OTP: variants seen among roughly 807,000 people sequenced by gnomAD.
The protein encoded by OTP is orthopedia homeobox, also known as homeobox protein orthopedia.
A neutral mutation model predicts 22.3 loss-of-function variants in OTP; 5 were observed. That is an observed-to-expected ratio of 0.22 (90% CI 0.12 to 0.47). The LOEUF (loss-of-function observed/expected upper bound fraction) is 0.47, where lower values mean the gene tolerates loss of function less well. Among genes scored for constraint, OTP ranks in the 20% least tolerant of loss-of-function variants. The pLI, the probability that OTP is intolerant of heterozygous loss-of-function variation, is 0.99. For synonymous variants in OTP, 229 were observed against 210.6 expected (o/e 1.09, Z -0.76); for missense variants, 428 against 456.2 (o/e 0.94, Z 0.56).
rs1285048487 is a variant in OTP at position 77,628,825 on chromosome 5, G to A, written c.*1439C>T. 1 of 152,562 alleles carries A rather than the reference G, an allele frequency of 6.6e-6. No homozygotes were observed. Among genetic ancestry groups the A allele is most frequent in the Non-Finnish European group, 1.5e-5 (1 of 68,030 alleles). 9.5% of individuals were successfully genotyped at this position (152,562 alleles called of 1,614,324 possible). The stretch of plus-strand genomic sequence containing the variant: ...AGCTCAAACATTTATTAAGAAAACC[G>A]AATTCCATAAATAAACACAGACATT... On this transcript the variant is annotated 3_prime_UTR_variant, in exon 3 of 3. Transcript: ENST00000306422.
chr5:77,637,176 A>G lies in OTP; in HGVS notation c.92T>C (p.Leu31Pro). The change falls in exon 2 of 3, where the codon CTG becomes CCG. Residue 31 changes from leucine to proline, a missense_variant. This residue lies in a region of OTP where 176 missense variants were observed against 162.9 expected (regional missense o/e 1.08). Coordinates refer to ENST00000306422, the MANE Select transcript of OTP (RefSeq NM_032109.3). ...LGHREAVKCRLGVGGSDPGGH... is the reference protein window; with the variant it reads ...LGHREAVKCRPGVGGSDPGGH... ...CCCGGGGTCGGAGCCCCCCACGCCC[A>G]GCCTACACTTCACCGCCTCCCGGTG... is the stretch of plus-strand genomic sequence containing the variant. 1 of 1,566,844 alleles carries G rather than the reference A, an allele frequency of 6.4e-7. No individual in the cohort carries two copies. Among genetic ancestry groups the G allele is most frequent in the Non-Finnish European group, 8.6e-7 (1 of 1,156,808 alleles).
Position 77,630,578 on chromosome 5 carries a change from G to C in OTP, c.664C>G (p.Leu222Val), listed in dbSNP as rs1216348259. ...TGCTGCCTGCCCAGCGCCGGCGGCA[G>C]AGGCAGCTGTGACACGCCAGGCATG... ...AAMPGVSQLP[L>V]PPALGRQQAM... The change falls in exon 3 of 3, where the codon CTG (leucine) becomes GTG (valine). Residue 222 changes from leucine to valine, a missense_variant. By Grantham distance (32) the Leu-to-Val change is conservative (BLOSUM62 1). This residue lies in a region of OTP where 236 missense variants were observed against 238.1 expected (regional missense o/e 0.99). Transcript: ENST00000306422. The C allele has an allele frequency of 6.4e-7, 1 of 1,563,264 alleles. No homozygotes were observed. The highest frequency in any genetic ancestry group is 8.6e-7 in the Non-Finnish European group (1 of 1,159,600).
chr5:77,630,341 C>G lies in OTP; in HGVS notation c.901G>C (p.Asp301His). The change falls in exon 3 of 3, where the codon GAC becomes CAC. Residue 301 changes from aspartate to histidine, a missense_variant. Transcript: ENST00000306422. ...GCGATGCTGGTGCCCCGCCACACGT[C>G]GCTGCTGTCCGGGGAGCTGCAGAGC... Reference protein sequence around the residue: ...PQLCSSPDSSDVWRGTSIASL... With the variant: ...PQLCSSPDSSHVWRGTSIASL... 3 of 1,570,240 alleles carry G rather than the reference C, an allele frequency of 1.9e-6. No individual in the cohort carries two copies. The highest frequency in any genetic ancestry group is 2.6e-6 in the Non-Finnish European group (3 of 1,161,588).
chr5:77,632,278 CAAT>C (rs774809163), intron 2 of OTP, among the ~76,000 whole-genome samples: 4 of 151,998 alleles, frequency 2.6e-5, no homozygotes, highest in East Asian at 3.9e-4. Context: ...TTTTAAATGA[CAAT>C]AATAATAATA....
Position 77,630,701 on chromosome 5 carries a change from G to A in OTP, c.541C>T (p.Leu181=). The A allele has an allele frequency of 6.3e-7, 1 of 1,583,946 alleles. No homozygotes were observed. The highest frequency in any genetic ancestry group is 1.1e-5 in the South Asian group (1 of 89,168). The change falls in exon 3 of 3, where the codon CTG becomes TTG. Residue 181 remains leucine, a synonymous_variant. Transcript: ENST00000306422. ...GCGGCAGCCGACGGGAACTGAGGCA[G>A]GCCTGGCGTGGGCAGCAGTGTGCCG... ...APGTLLPTPG[L]PQFPSAAAAA...
chr5:77,638,496 G>T lies in OTP; in HGVS notation c.37+17C>A. 6.4e-7 allele frequency: 1 copy of T among 1,570,566 alleles called. No individual in the cohort carries two copies. Among genetic ancestry groups the T allele is most frequent in the Non-Finnish European group, 8.6e-7 (1 of 1,157,298 alleles). On this transcript the variant is annotated intron_variant, in intron 1 of 2. Transcript: ENST00000306422. ...CCCGGCTTCTCCTGGCTGCCCGGGC[G>T]AGAGGCGCGCACTCACCTAGCCTGG...
At chr5:77,633,132 G>A (rs1378960746) in intron 2 of OTP, among the ~76,000 whole-genome samples, 2 of 152,178 alleles carry the variant, frequency 1.3e-5, no homozygotes, top group East Asian at 3.8e-4. Flanking sequence ...GGGAGTGTGA[G>A]GGAAGGAGCA....
Position 77,630,662 on chromosome 5 carries a change from C to T in OTP, c.580G>A (p.Ala194Thr). The T allele has an allele frequency of 1.3e-6, 2 of 1,574,660 alleles. No individual in the cohort carries two copies. The highest frequency in any genetic ancestry group is 8.6e-7 in the Non-Finnish European group (1 of 1,168,354). The stretch of plus-strand genomic sequence containing the variant: ...AAAGAGCACAGGCTGTCGCCCATGG[C>T]GGCGGCAGCGGCGGCGGCAGCCGAC... ...FPSAAAAAAA[A>T]MGDSLCSFHA... Residue 194 changes from alanine to threonine, a missense_variant, in exon 3 of 3, where the codon GCC becomes ACC. Coordinates refer to ENST00000306422, the MANE Select transcript of OTP (RefSeq NM_032109.3).
chr5:77,629,833 G>C lies in OTP; in HGVS notation c.*431C>G, dbSNP rs1364270590. The stretch of plus-strand genomic sequence containing the variant: ...GGGTCGCGAAGTGTGGGGAAAGAGG[G>C]GACCGGAGGGGAGGCGGCGGGCGAG... On this transcript the variant is annotated 3_prime_UTR_variant, in exon 3 of 3. Transcript: ENST00000306422. 5.7e-6 allele frequency: 1 copy of C among 175,082 alleles called. No individual in the cohort carries two copies. Among genetic ancestry groups the C allele is most frequent in the Non-Finnish European group, 1.2e-5 (1 of 82,158 alleles). 10.8% of individuals were successfully genotyped at this position (175,082 alleles called of 1,614,324 possible).
chr5:77,636,681 G>C, intron 2 of OTP, 140 bp downstream of exon 2: 1 of 775,348 alleles, frequency 1.3e-6, no homozygotes, highest in Non-Finnish European at 2.0e-6. Context: ...GGTAGAGAAG[G>C]AGATAACTCG....
chr5:77,637,517 C>T (rs1580066595), intron 1 of OTP, among the ~76,000 whole-genome samples: 1 of 152,220 alleles, frequency 6.6e-6, no homozygotes, highest in African/African-American at 2.4e-5. Flanking sequence ...ATAAAACATG[C>T]CTCTGAATCC....
chr5:77,636,779 C>A, intron 2 of OTP, 42 bp downstream of exon 2: 1 of 1,572,022 alleles, frequency 6.4e-7, no homozygotes, highest in Non-Finnish European at 8.6e-7. Flanking sequence ...AATCCTCCCG[C>A]CCTGTCCTTG....
chr5:77,635,671 T>G (rs1415365273), intron 2 of OTP, among the ~76,000 whole-genome samples: 1 of 152,220 alleles, frequency 6.6e-6, no homozygotes, highest in Admixed American at 6.5e-5. Context: ...TTAGATCAAA[T>G]GTAAAGTAAC....
intron 2 of OTP, among the ~76,000 whole-genome samples, chr5:77,633,165 T>C (rs1358952907): frequency 1.3e-5 from 2 of 152,042 alleles, no homozygotes; most frequent in Non-Finnish European, 2.9e-5. Flanking sequence ...AGGGGGAGGA[T>C]TGCCCAGTAG....
chr5:77,637,983 G>C (rs917483149), intron 1 of OTP, among the ~76,000 whole-genome samples: 2 of 152,118 alleles, frequency 1.3e-5, no homozygotes, highest in South Asian at 2.1e-4. Context: ...TGCAGAAGAG[G>C]GGGGGATGAC....
chr5:77,636,981 C>A lies in OTP; in HGVS notation c.287G>T (p.Gly96Val). 6.2e-7 allele frequency: 1 copy of A among 1,613,908 alleles called. No homozygotes were observed. Among genetic ancestry groups the A allele is most frequent in the South Asian group, 1.1e-5 (1 of 91,080 alleles). ...CTGCTTCTGTTGGCCCTGCTGCTGGCCGGCTTGGCTGGGGTTCGGGCCGCC... is the reference window on the plus strand; with the variant it reads ...CTGCTTCTGTTGGCCCTGCTGCTGGACGGCTTGGCTGGGGTTCGGGCCGCC... ...PQGGPNPSQA[G>V]QQQGQQKQKR... Residue 96 changes from glycine to valine, a missense_variant, in exon 2 of 3, where the codon GGC becomes GTC. Gly to Val is a moderately radical substitution (Grantham distance 109). Coordinates refer to ENST00000306422, the MANE Select transcript of OTP (RefSeq NM_032109.3).
chr5:77,630,142 G>A lies in OTP; in HGVS notation c.*122C>T, dbSNP rs963700626. 2.4e-5 allele frequency: 12 copies of A among 494,822 alleles called. No homozygotes were observed. The highest frequency in any genetic ancestry group is 4.8e-5 in the East Asian group (1 of 20,914). The allele number at this position is 494,822 out of a possible 1,614,324, so 30.7% of individuals were successfully genotyped here. A position where few individuals can be genotyped will look rare whatever the true frequency, so the allele number is the denominator to read the frequency against. ...TGGAGGAGAGAGGCGAGGACGAAAC[G>A]AGACGGGGCGAAGGCCGGGGCGGGA... is the stretch of plus-strand genomic sequence containing the variant. On this transcript the variant is annotated 3_prime_UTR_variant, in exon 3 of 3. Coordinates refer to ENST00000306422, the MANE Select transcript of OTP (RefSeq NM_032109.3).
intron 1 of OTP, 134 bp from the exon 2 acceptor site, chr5:77,637,364 G>GCTGAATACCCT: frequency 9.2e-7 from 1 of 1,084,768 alleles, no homozygotes; most frequent in Non-Finnish European, 1.3e-6. Context: ...GAAACTCCCA[G>GCTGAATACCCT]GGTATTCAGC....
At chr5:77,636,556 G>T (rs753288546) in intron 2 of OTP, 5 of 431,902 alleles carry the variant, frequency 1.2e-5, no homozygotes, top group Non-Finnish European at 2.0e-5. Flanking sequence ...GGCGAACCCT[G>T]TAGCCCGACA....
Sources: gnomAD v4.1 joint callset for allele counts (sites outside exome capture counted in the v4.1 genomes callset) on GRCh38, gnomAD v4.1.1 for gene constraint, gnomAD v4.1.1 regional missense constraint, MANE v1.5 for transcripts, NCBI Gene and HGNC (gene_info 2026-07-23, HGNC 2026-07-21) for gene names.